Variants in SMAD1 observed in about 807,000 individuals in gnomAD.
SMAD1 encodes the protein MAD, mothers against decapentaplegic homolog 1.
In SMAD1, 6 loss-of-function variants were observed where a neutral mutation model predicts 41.6. That is an observed-to-expected ratio of 0.14 (90% CI 0.08 to 0.28). The LOEUF (loss-of-function observed/expected upper bound fraction) is 0.28. Ranked by LOEUF, SMAD1 falls within the 10% of genes least tolerant of loss-of-function variation. SMAD1 has a pLI of 1.00. For synonymous variants in SMAD1, 206 were observed against 203.2 expected (o/e 1.01, Z -0.12); for missense variants, 379 against 582.6 (o/e 0.65, Z 3.60).
intron 3 of SMAD1, 63 bp downstream of exon 3, chr4:145,540,124 G>T (rs1209975825): frequency 1.3e-6 from 2 of 1,586,602 alleles, no homozygotes; most frequent in Non-Finnish European, 1.7e-6. Flanking sequence ...CAGTGTCACG[G>T]AAAAGCTGGG....
At chr4:145,535,707 A>G (rs1731574361) in intron 2 of SMAD1, among the ~76,000 whole-genome samples, 1 of 152,142 alleles carries the variant, frequency 6.6e-6, no homozygotes, top group Non-Finnish European at 1.5e-5. Context: ...AAATTGGAGG[A>G]CTAAGTTAGA....
At chr4:145,519,079 T>G (rs1416721570) in intron 2 of SMAD1, among the ~76,000 whole-genome samples, 2 of 117,542 alleles carry the variant, frequency 1.7e-5, no homozygotes, top group Non-Finnish European at 4.1e-5. Context: ...TTTTTGTTTG[T>G]TTGGTTGGCT....
At chr4:145,509,033 T>C (rs1037051665) in intron 1 of SMAD1, among the ~76,000 whole-genome samples, 10 of 152,210 alleles carry the variant, frequency 6.6e-5, no homozygotes, top group African/African-American at 2.4e-4. Context: ...ATACTTGTTT[T>C]ATAGCCTTTA....
chr4:145,531,476 TTGTAG>T (rs745981290), intron 2 of SMAD1, among the ~76,000 whole-genome samples: 4 of 152,080 alleles, frequency 2.6e-5, no homozygotes, highest in Non-Finnish European at 5.9e-5. Flanking sequence ...TCCTTTCTGC[TTGTAG>T]GTGGCCTCAC....
At chr4:145,542,979 T>G (rs1052950690) in intron 4 of SMAD1, among the ~76,000 whole-genome samples, 1 of 152,146 alleles carries the variant, frequency 6.6e-6, no homozygotes, top group Admixed American at 6.5e-5. Context: ...AAATTTTTTT[T>G]TTGTTTTTTT....
In SMAD1 at chr4:145,514,970, G is replaced by T. The variant is rs1365256709; in HGVS notation, c.357G>T (p.Glu119Asp). ...CEFPFGSKQKEVCINPYHYKR... is the reference protein window; with the variant it reads ...CEFPFGSKQKDVCINPYHYKR... ...TTCCTTTTGGTTCCAAGCAGAAGGAGGTCTGCATCAATCCCTACCACTATA... is the reference window on the plus strand; with the variant it reads ...TTCCTTTTGGTTCCAAGCAGAAGGATGTCTGCATCAATCCCTACCACTATA... Residue 119 changes from glutamate to aspartate, a missense_variant, in exon 2 of 7, where the codon GAG becomes GAT. Physicochemically the swap from Glu to Asp is conservative, Grantham distance 45. Around this residue, in one of 3 missense-constraint regions of SMAD1, gnomAD observed 64 missense variants for 153.9 expected, o/e 0.42. Coordinates refer to ENST00000302085, the MANE Select transcript of SMAD1 (RefSeq NM_005900.3). The surrounding 1 kb of genome is among the most constrained non-coding windows in gnomAD (Gnocchi z 4.7). 2 of 1,613,924 alleles carry T rather than the reference G, an allele frequency of 1.2e-6. No individual in the cohort carries two copies. Among genetic ancestry groups the T allele is most frequent in the Non-Finnish European group, 1.7e-6 (2 of 1,179,902 alleles).
chr4:145,552,242 C>CA (rs1284218611), intron 5 of SMAD1, among the ~76,000 whole-genome samples: 4 of 151,914 alleles, frequency 2.6e-5, no homozygotes, highest in Non-Finnish European at 5.9e-5. Context: ...TATATCAGGC[C>CA]AAAAAAATGG....
intron 1 of SMAD1, among the ~76,000 whole-genome samples, chr4:145,494,563 A>C (rs747880849): frequency 6.6e-6 from 1 of 152,160 alleles, no homozygotes; most frequent in Non-Finnish European, 1.5e-5. Flanking sequence ...TCCCTTGTCT[A>C]CTCATCAAAA....
chr4:145,491,109 G>A (rs1728746015), intron 1 of SMAD1, among the ~76,000 whole-genome samples: 1 of 152,098 alleles, frequency 6.6e-6, no homozygotes, highest in African/African-American at 2.4e-5. Context: ...AGATTTGATA[G>A]CATTTATTAT....
At chr4:145,488,871 T>G (rs1728630664) in intron 1 of SMAD1, among the ~76,000 whole-genome samples, 2 of 152,214 alleles carry the variant, frequency 1.3e-5, no homozygotes, top group South Asian at 4.1e-4. Flanking sequence ...TAAGAGCCGT[T>G]ACAAGGTAGT....
rs560551988 is a variant in SMAD1, at chr4:145,546,730, C to A, written c.803C>A (p.Pro268Gln). Residue 268 changes from proline (P) to glutamine (Q), a missense_variant, in exon 5 of 7, where the codon CCA becomes CAA. Around this residue, in one of 3 missense-constraint regions of SMAD1, gnomAD observed 208 missense variants for 210.5 expected, o/e 0.99. Coordinates refer to ENST00000302085, the MANE Select transcript of SMAD1 (RefSeq NM_005900.3). ...GDVQAVAYEE[P>Q]KHWCSIVYYE... ...GTTCAGGCGGTTGCTTATGAGGAAC[C>A]AAAACACTGGTGCTCTATTGTCTAC... The A allele has an allele frequency of 1.7e-5, 28 of 1,613,532 alleles. No homozygotes were observed. The Admixed American group carries it at 3.0e-4, about 17-fold the overall frequency.
rs115406050 is a variant in SMAD1, at chr4:145,509,143, A to G, written c.-176-5295A>G. On this transcript the variant is annotated intron_variant, in intron 1 of 6. Coordinates refer to ENST00000302085, the MANE Select transcript of SMAD1 (RefSeq NM_005900.3). ...CCATGGGCAATGGTATAATCGTATT[A>G]TTTCTTCTGACTGAGTCCCTGGAAG... 4.6e-3 allele frequency among the ~76,000 whole-genome samples: 704 copies of G among 152,282 alleles called. 1 individual carries two copies. The highest frequency in any genetic ancestry group is 0.016 in the African/African-American group (675 of 41,564).
At chr4:145,530,945 T>C (rs1375166071) in intron 2 of SMAD1, among the ~76,000 whole-genome samples, 1 of 152,228 alleles carries the variant, frequency 6.6e-6, no homozygotes, top group African/African-American at 2.4e-5. Context: ...AGATAACTGC[T>C]GTGAGGATTT....
chr4:145,489,146 A>G (rs1212113353), intron 1 of SMAD1, among the ~76,000 whole-genome samples: 1 of 152,236 alleles, frequency 6.6e-6, no homozygotes, highest in Non-Finnish European at 1.5e-5. Context: ...TTTATGTTTC[A>G]GTAGCCACAT....
intron 1 of SMAD1, among the ~76,000 whole-genome samples, chr4:145,510,869 C>T (rs1215089794): frequency 6.6e-6 from 1 of 152,092 alleles, no homozygotes; most frequent in Non-Finnish European, 1.5e-5. Flanking sequence ...GAATTTGAGA[C>T]TGTTATTATT....
intron 2 of SMAD1, among the ~76,000 whole-genome samples, chr4:145,527,558 G>C (rs899802306): frequency 6.6e-6 from 1 of 152,086 alleles, no homozygotes; most frequent in African/African-American, 2.4e-5. Context: ...ACTGCCGGAA[G>C]ATGGTACCAA....
intron 4 of SMAD1, among the ~76,000 whole-genome samples, chr4:145,543,890 C>T (rs1308370060): frequency 6.6e-6 from 1 of 152,196 alleles, no homozygotes; most frequent in Non-Finnish European, 1.5e-5. Flanking sequence ...AGTTAAAGTA[C>T]AGTTTGGTTA....
intron 1 of SMAD1, among the ~76,000 whole-genome samples, chr4:145,505,403 G>A (rs1729711341): frequency 6.6e-6 from 1 of 151,868 alleles, no homozygotes. Flanking sequence ...GCATCTCCAT[G>A]GCATCTAATG....
intron 1 of SMAD1, chr4:145,483,218 CT>C (rs1047358999): frequency 1.3e-5 from 2 of 152,192 alleles, no homozygotes; most frequent in African/African-American, 2.4e-5. Context: ...GCCCTCCCCC[CT>C]CTTTTCTTTC....
Sources: gnomAD v4.1 joint callset for allele counts (sites outside exome capture counted in the v4.1 genomes callset) on GRCh38, gnomAD v4.1.1 for gene constraint, gnomAD v4.1.1 regional missense constraint, Gnocchi (gnomAD v3.1) non-coding constraint, MANE v1.5 for transcripts, NCBI Gene and HGNC (gene_info 2026-07-23, HGNC 2026-07-21) for gene names.